NEK9: variants seen among roughly 807,000 people sequenced by gnomAD.
NEK9 encodes serine/threonine-protein kinase Nek9.
Under a neutral mutation model 123.4 loss-of-function variants are expected in NEK9, and 75 were observed. The observed-to-expected ratio is 0.61, with a 90% CI of 0.50 to 0.74. The LOEUF is 0.74. NEK9 is among the 30% of genes least tolerant of loss of function. The pLI is 0.00. For missense variants in NEK9, 952 were observed against 1,214.4 expected (o/e 0.78, Z 3.21); for synonymous variants, 438 against 458.7 (o/e 0.95, Z 0.58).
rs933501302 is a variant in NEK9, at chr14:75,079,535, T to C, written c.*5029A>G. 6.6e-6 allele frequency: 1 copy of C among 152,214 alleles called. No individual in the cohort carries two copies. Among genetic ancestry groups the C allele is most frequent in the Non-Finnish European group, 1.5e-5 (1 of 68,044 alleles). 9.4% of individuals were successfully genotyped at this position (152,214 alleles called of 1,614,324 possible). A position where few individuals can be genotyped will look rare whatever the true frequency, so the allele number is the denominator to read the frequency against. On this transcript the variant is annotated 3_prime_UTR_variant, in exon 22 of 22. Transcript: ENST00000238616. ...GGGAATGTAAACCAGTACATTGCAATAGATGGCAAGAGTAAGCTGTGGCCA... is the reference window on the plus strand; with the variant it reads ...GGGAATGTAAACCAGTACATTGCAACAGATGGCAAGAGTAAGCTGTGGCCA...
intron 15 of NEK9, 26 bp from the exon 16 acceptor site, chr14:75,101,179 C>T (rs1894566752): frequency 1.2e-6 from 2 of 1,604,842 alleles, no homozygotes; most frequent in African/African-American, 2.7e-5. Flanking sequence ...AAAGAAATAA[C>T]AAGGCACAAA....
At chr14:75,094,449 C>T (rs12589376) in intron 18 of NEK9, among the ~76,000 whole-genome samples, 67,655 of 152,028 alleles carry the variant, frequency 0.45, 16,414 homozygotes, top group East Asian at 0.84. Flanking sequence ...GCCACTGTGC[C>T]CAGCTTTAAT....
At chr14:75,104,566 C>T (rs1372840352) in intron 13 of NEK9, among the ~76,000 whole-genome samples, 4 of 151,890 alleles carry the variant, frequency 2.6e-5, no homozygotes, top group Non-Finnish European at 5.9e-5. Context: ...ACTGCAACCT[C>T]TGCCTCCCAG....
At chr14:75,120,471 G>C (rs770582881) in intron 4 of NEK9, 39 bp downstream of exon 4, 2 of 1,447,888 alleles carry the variant, frequency 1.4e-6, no homozygotes, top group African/African-American at 1.4e-5. Context: ...GGCTGAATTG[G>C]TAGGGAAGAA....
At chr14:75,093,472 G>T (rs1172612586) in intron 18 of NEK9, among the ~76,000 whole-genome samples, 7 of 151,126 alleles carry the variant, frequency 4.6e-5, no homozygotes. Context: ...TATTTTTTTT[G>T]AGATGGAGTC....
intron 10 of NEK9, 145 bp downstream of exon 10, chr14:75,109,540 C>A (rs1242584464): frequency 1.4e-6 from 1 of 690,524 alleles, no homozygotes; most frequent in Non-Finnish European, 2.4e-6. Flanking sequence ...CAGACAAAAT[C>A]CCTGCTCTTA....
chr14:75,080,638 ATTTC>A lies in NEK9; in HGVS notation c.*3922_*3925del, dbSNP rs1170154771. ...ATGTATGCAGATGTGCCGAGACAGTATTTCTTTTTTTTTTTTTTTGAGACGGAGT... is the reference window on the plus strand; with the variant it reads ...ATGTATGCAGATGTGCCGAGACAGTATTTTTTTTTTTTTTTGAGACGGAGT... On this transcript the variant is annotated 3_prime_UTR_variant, in exon 22 of 22. Coordinates refer to ENST00000238616, the MANE Select transcript of NEK9 (RefSeq NM_033116.6). 2 of 150,846 alleles carry A rather than the reference ATTTC, an allele frequency of 1.3e-5. 1 individual carries two copies. 9.3% of individuals were successfully genotyped at this position (150,846 alleles called of 1,614,324 possible). A position where few individuals can be genotyped will look rare whatever the true frequency, so the allele number is the denominator to read the frequency against.
In NEK9 at chr14:75,091,329, T is replaced by C. The variant is rs772021584; in HGVS notation, c.2383A>G (p.Thr795Ala). 8.1e-6 allele frequency: 13 copies of C among 1,614,080 alleles called. No homozygotes were observed. Among genetic ancestry groups the C allele is most frequent in the Non-Finnish European group, 1.1e-5 (13 of 1,180,004 alleles). The change falls in exon 19 of 22, where the codon ACA becomes GCA. Residue 795 changes from threonine (T) to alanine (A), a missense_variant. Physicochemically the swap from Thr to Ala is moderately conservative, Grantham distance 58 (BLOSUM62 0). Transcript: ENST00000238616. ...CCATTACTGTTCCCCATGGCCTCTG[T>C]GGGACTGATTAAACCTTCCATTCCT... Reference protein sequence around the residue: ...DRGMEGLISPTEAMGNSNGAS... With the variant: ...DRGMEGLISPAEAMGNSNGAS...
At chr14:75,097,846 G>C (rs1894438874) in intron 16 of NEK9, among the ~76,000 whole-genome samples, 1 of 152,106 alleles carries the variant, frequency 6.6e-6, no homozygotes, top group African/African-American at 2.4e-5. Context: ...AAGAGCAACA[G>C]CAAAAGTAAT....
At chr14:75,102,877 G>A (rs1056369033) in intron 14 of NEK9, among the ~76,000 whole-genome samples, 9 of 152,220 alleles carry the variant, frequency 5.9e-5, no homozygotes, top group African/African-American at 1.9e-4. Context: ...AAAAGGATGA[G>A]TTCATGTCCT....
At chr14:75,113,010 A>G (rs2139783765) in intron 8 of NEK9, among the ~76,000 whole-genome samples, 2 of 152,356 alleles carry the variant, frequency 1.3e-5, no homozygotes, top group South Asian at 4.1e-4. Flanking sequence ...AGATAATGAC[A>G]AAATTCAGAT....
At chr14:75,087,366 C>G in intron 20 of NEK9, 136 bp from the exon 21 acceptor site, 5 of 625,826 alleles carry the variant, frequency 8.0e-6, no homozygotes, top group South Asian at 2.1e-5. Context: ...AATATATGTA[C>G]GAGAAACAGA....
At chr14:75,089,448 C>T (rs1894137100) in intron 19 of NEK9, among the ~76,000 whole-genome samples, 1 of 151,936 alleles carries the variant, frequency 6.6e-6, no homozygotes, top group South Asian at 2.1e-4. Context: ...AGGCTGGTTT[C>T]AAACTCCTGA....
chr14:75,116,084 T>C (rs1895133132), intron 6 of NEK9, among the ~76,000 whole-genome samples: 1 of 152,162 alleles, frequency 6.6e-6, no homozygotes, highest in South Asian at 2.1e-4. Context: ...GTAAGTACAA[T>C]AAAGTGATAC....
Position 75,118,884 on chromosome 14 carries a change from A to C in NEK9, c.576T>G (p.Leu192=), listed in dbSNP as rs55770118. 3.4e-5 allele frequency: 55 copies of C among 1,610,868 alleles called. No individual in the cohort carries two copies. The highest frequency in any genetic ancestry group is 4.5e-5 in the Non-Finnish European group (53 of 1,177,326). Residue 192 remains leucine, a synonymous_variant, in exon 5 of 22, where the codon CTT becomes CTG. Coordinates refer to ENST00000238616, the MANE Select transcript of NEK9 (RefSeq NM_033116.6). ...IFLTKANLIK[L]GDYGLAKKLN... is the part of the protein sequence containing the mutation. ...GTTTCTTTGCTAGGCCATAATCTCC[A>C]AGTTTTATCAGGTTTGCCTTGGTCA...
chr14:75,095,339 A>G (rs774605895), intron 18 of NEK9, 33 bp downstream of exon 18: 3 of 1,547,628 alleles, frequency 1.9e-6, no homozygotes, highest in Non-Finnish European at 2.7e-6. Flanking sequence ...CACACTTCAG[A>G]AAACCACTGG....
rs777903685 is a variant in NEK9, at chr14:75,124,140, A to G, written c.303T>C (p.Val101=). Residue 101 remains valine (V), a synonymous_variant, in exon 2 of 22, where the codon GTT becomes GTC. Coordinates refer to ENST00000238616, the MANE Select transcript of NEK9 (RefSeq NM_033116.6). ...TGTCGTGCTGCAGCAGTGCCAGAATAACAATCTCATTCAAGGCATCACGAC... is the reference window on the plus strand; with the variant it reads ...TGTCGTGCTGCAGCAGTGCCAGAATGACAATCTCATTCAAGGCATCACGAC... The part of the protein sequence containing the change: ...KERRDALNEI[V]ILALLQHDNI... 6.2e-7 allele frequency: 1 copy of G among 1,614,082 alleles called. No individual in the cohort carries two copies. Among genetic ancestry groups the G allele is most frequent in the Non-Finnish European group, 8.5e-7 (1 of 1,179,942 alleles).
rs529263168 is a variant in NEK9, at chr14:75,121,345, G to T, written c.398-171C>A. ...CACAAAACTCTTCCCATCTCTCAAGGACCGCATCAGAAATATTCTTCAAAG... is the reference window on the plus strand; with the variant it reads ...CACAAAACTCTTCCCATCTCTCAAGTACCGCATCAGAAATATTCTTCAAAG... On this transcript the variant is annotated intron_variant, in intron 2 of 21. Transcript: ENST00000238616. Among the ~76,000 whole-genome samples, 9 of 152,166 alleles carry T rather than the reference G, an allele frequency of 5.9e-5. No homozygotes were observed. In the South Asian group the frequency reaches 1.9e-3, roughly 32 times the overall value.
At chr14:75,114,601 A>C (rs1163058722) in intron 6 of NEK9, among the ~76,000 whole-genome samples, 3 of 152,206 alleles carry the variant, frequency 2.0e-5, no homozygotes, top group Non-Finnish European at 4.4e-5. Flanking sequence ...GAAAAAGGAA[A>C]GCAAGATTAG....
Sources: gnomAD v4.1 joint callset for allele counts (sites outside exome capture counted in the v4.1 genomes callset) on GRCh38, gnomAD v4.1.1 for gene constraint, MANE v1.5 for transcripts, NCBI Gene and HGNC (gene_info 2026-07-23, HGNC 2026-07-21) for gene names.